Variants in RELN observed in about 807,000 individuals in gnomAD.
The protein encoded by RELN is reelin.
Under a neutral mutation model 427.6 loss-of-function variants are expected in RELN, and 108 were observed. The observed-to-expected ratio is 0.25, with a 90% confidence interval of 0.22 to 0.30. The LOEUF (loss-of-function observed/expected upper bound fraction) is 0.30, where lower values mean the gene tolerates loss of function less well. Ranked by LOEUF, RELN falls within the 10% of genes least tolerant of loss-of-function variation. RELN has a pLI of 1.00. For missense variants in RELN, 3,715 were observed against 4,302.8 expected (o/e 0.86, Z 3.82); for synonymous variants, 1,524 against 1,513.4 (o/e 1.01, Z -0.16).
intron 1 of RELN, among the ~76,000 whole-genome samples, chr7:103,960,018 C>T (rs1305132141): frequency 6.6e-6 from 1 of 152,152 alleles, no homozygotes; most frequent in Non-Finnish European, 1.5e-5. Context: ...GGTCTTTCTG[C>T]CTCCATTCTT....
chr7:103,927,653 T>C (rs1446128175), intron 1 of RELN, among the ~76,000 whole-genome samples: 1 of 152,204 alleles, frequency 6.6e-6, no homozygotes, highest in Non-Finnish European at 1.5e-5. Flanking sequence ...AAATGGAAAA[T>C]GCTGTACTTT....
In RELN at chr7:103,472,912, T is replaced by C. The variant is rs1450657062; in HGVS notation, c.10287-4A>G. 1 of 1,611,746 alleles carries C rather than the reference T, an allele frequency of 6.2e-7. No homozygotes were observed. The highest frequency in any genetic ancestry group is 8.5e-7 in the Non-Finnish European group (1 of 1,177,872). Reference sequence around the variant, plus strand: ...CATGTAATTTTGTTTGCGAGTGCTGTTAAAATCAAACAGGATAGAGGCAGG... The same window carrying C: ...CATGTAATTTTGTTTGCGAGTGCTGCTAAAATCAAACAGGATAGAGGCAGG... On this transcript the variant is annotated splice_polypyrimidine_tract_variant and splice_region_variant and intron_variant, in intron 64 of 64. Transcript: ENST00000428762.
At chr7:103,866,776 G>T (rs1046643256) in intron 2 of RELN, among the ~76,000 whole-genome samples, 1 of 151,926 alleles carries the variant, frequency 6.6e-6, no homozygotes, top group African/African-American at 2.4e-5. Context: ...ATGAAATAAC[G>T]AATAATATAT....
At chr7:103,698,198 T>C in intron 9 of RELN, 105 bp from the exon 10 acceptor site, 1 of 1,347,018 alleles carries the variant, frequency 7.4e-7, no homozygotes, top group South Asian at 1.2e-5. Context: ...AAGAATGTTA[T>C]ATTTATTACA....
intron 24 of RELN, among the ~76,000 whole-genome samples, chr7:103,600,216 T>C (rs769335373): frequency 3.3e-5 from 5 of 152,174 alleles, no homozygotes; most frequent in Non-Finnish European, 4.4e-5. Flanking sequence ...TTTTAGATAA[T>C]ATGATCTAGG....
At chr7:103,803,592 A>G (rs1031576829) in intron 3 of RELN, among the ~76,000 whole-genome samples, 1 of 152,104 alleles carries the variant, frequency 6.6e-6, no homozygotes, top group Non-Finnish European at 1.5e-5. Flanking sequence ...GTTATACTCT[A>G]TGGGGGATAA....
At chr7:103,711,864 G>T (rs969638383) in intron 8 of RELN, among the ~76,000 whole-genome samples, 2 of 152,032 alleles carry the variant, frequency 1.3e-5, no homozygotes, top group Admixed American at 6.6e-5. Context: ...TCACCATGTT[G>T]CCCAGGATCG....
In RELN at chr7:103,830,809, C is replaced by T. The variant is rs142205412; in HGVS notation, c.473+2728G>A. 4.7e-4 allele frequency among the ~76,000 whole-genome samples: 72 copies of T among 152,124 alleles called. 3 individuals are homozygous for T. Among genetic ancestry groups the T allele is most frequent in the African/African-American group, 1.7e-3 (69 of 41,534 alleles). ...AGCGTCTTGCCCACAAAGGAAGCAG[C>T]TACTCTATAAAGGTTTCAACATTAT... On this transcript the variant is annotated intron_variant, in intron 3 of 64. Transcript: ENST00000428762.
At position 103,561,610 on chromosome 7, in the gene RELN, C is replaced by G. The variant is rs1562891935; in HGVS notation, c.5451G>C (p.Trp1817Cys). ...DFNGNLHPDL[W>C]PEVYGAERGN... ...CCCTCTCTGCACCATACACTTCAGG[C>G]CAAAGGTCAGGATGTAAATTCCCAT... The change falls in exon 36 of 65, where the codon TGG becomes TGC. Residue 1817 changes from tryptophan to cysteine, a missense_variant. Physicochemically the swap from Trp to Cys is radical, Grantham distance 215. Coordinates refer to ENST00000428762, the MANE Select transcript of RELN (RefSeq NM_005045.4). 1 of 1,613,832 alleles carries G rather than the reference C, an allele frequency of 6.2e-7. No individual in the cohort carries two copies. The highest frequency in any genetic ancestry group is 1.7e-5 in the Admixed American group (1 of 59,992).
chr7:103,503,962 T>C (rs2117042241), intron 51 of RELN, among the ~76,000 whole-genome samples: 1 of 151,134 alleles, frequency 6.6e-6, no homozygotes, highest in Admixed American at 6.6e-5. Flanking sequence ...TCCCAGCACT[T>C]TGGGAGGCCG....
intron 48 of RELN, among the ~76,000 whole-genome samples, chr7:103,519,885 A>G (rs1488845581): frequency 6.6e-6 from 1 of 152,072 alleles, no homozygotes; most frequent in African/African-American, 2.4e-5. Flanking sequence ...TACCAGCCAC[A>G]TAGTATTGTG....
intron 45 of RELN, among the ~76,000 whole-genome samples, chr7:103,535,943 AGTTT>A (rs34656592): frequency 0.67 from 101,244 of 151,244 alleles, 34,239 homozygotes; most frequent in Middle Eastern, 0.74. Flanking sequence ...AAATTAATAT[AGTTT>A]GTTTATTTAA....
intron 3 of RELN, among the ~76,000 whole-genome samples, chr7:103,822,455 G>A (rs908051758): frequency 2.0e-5 from 3 of 151,940 alleles, no homozygotes; most frequent in African/African-American, 7.2e-5. Flanking sequence ...TATTTCCAGA[G>A]CACCTAAGAT....
chr7:103,478,486 G>A (rs1828114456), intron 63 of RELN, 92 bp from the exon 64 acceptor site: 2 of 708,730 alleles, frequency 2.8e-6, no homozygotes. Context: ...AGTCATAAAA[G>A]TCTGATCAGG....
chr7:103,511,750 T>G (rs1362574321), intron 50 of RELN, among the ~76,000 whole-genome samples: 1 of 151,978 alleles, frequency 6.6e-6, no homozygotes, highest in Non-Finnish European at 1.5e-5. Flanking sequence ...CTCAGCTACT[T>G]AGGAGGCTGC....
intron 13 of RELN, 51 bp from the exon 14 acceptor site, chr7:103,652,810 C>T: frequency 6.5e-7 from 1 of 1,538,050 alleles, no homozygotes; most frequent in Non-Finnish European, 9.0e-7. Context: ...TAGGCTAGTC[C>T]ATGTAAATTC....
At position 103,640,420 on chromosome 7, in the gene RELN, TA is replaced by T. The variant is rs1832673021; in HGVS notation, c.2069+122del. The T allele has an allele frequency of 2.2e-6, 2 of 898,726 alleles. No individual in the cohort carries two copies. The highest frequency in any genetic ancestry group is 3.6e-6 in the Non-Finnish European group (2 of 555,014). The allele number at this position is 898,726 out of a possible 1,614,324, so 55.7% of individuals were successfully genotyped here. The stretch of plus-strand genomic sequence containing the variant: ...AATTACACTTAAGTTCTAATAGAAA[TA>T]TCCAACTTTTTGTCTTAAAAAGATC... On this transcript the variant is annotated intron_variant, in intron 17 of 64. Coordinates refer to ENST00000428762, the MANE Select transcript of RELN (RefSeq NM_005045.4). The surrounding 1 kb of genome is among the most constrained non-coding windows in gnomAD (Gnocchi z 4.1).
intron 1 of RELN, among the ~76,000 whole-genome samples, chr7:103,949,022 CAAAAA>C (rs66678362): frequency 2.8e-4 from 25 of 88,860 alleles, no homozygotes; most frequent in African/African-American, 1.1e-3. Context: ...ACATTGTCTC[CAAAAA>C]AAAAAAAAAA....
intron 3 of RELN, among the ~76,000 whole-genome samples, chr7:103,819,548 G>T (rs1290373985): frequency 6.6e-6 from 1 of 152,092 alleles, no homozygotes; most frequent in Non-Finnish European, 1.5e-5. Flanking sequence ...TGCTCTTCAA[G>T]AGAAGTCTCT....
Sources: allele counts gnomAD v4.1 joint callset (sites outside exome capture counted in the v4.1 genomes callset), GRCh38; gene constraint gnomAD v4.1.1; non-coding constraint Gnocchi (gnomAD v3.1); transcripts MANE v1.5; gene names NCBI Gene and HGNC (gene_info 2026-07-23, HGNC 2026-07-21).